NEK2: variants seen among roughly 807,000 people sequenced by gnomAD.
NEK2 encodes NIMA related kinase 2, also known as serine/threonine-protein kinase Nek2.
Under a neutral mutation model 54.1 loss-of-function variants are expected in NEK2, and 28 were observed. That is an observed-to-expected ratio of 0.52 (90% CI 0.38 to 0.71). NEK2 has a LOEUF of 0.71. Ranked by LOEUF, NEK2 falls within the 30% of genes least tolerant of loss-of-function variation. NEK2 has a pLI of 0.00. For missense variants in NEK2, 407 were observed against 531.5 expected, an observed-to-expected ratio of 0.77 and a Z score of 2.30; for synonymous variants, 176 against 193.1, an observed-to-expected ratio of 0.91 and a Z score of 0.73.
At chr1:211,660,198 C>A (rs1424306656), downstream of NEK2, 1 of 301,968 alleles carries the variant, frequency 3.3e-6, no homozygotes, top group Non-Finnish European at 6.7e-6. Flanking sequence ...GTCACTTTTT[C>A]CGCTTGTAGA....
chr1:211,665,614 T>C (rs1185739776), intron 7 of NEK2, among the ~76,000 whole-genome samples: 1 of 152,210 alleles, frequency 6.6e-6, no homozygotes. Context: ...TATTTTGTCT[T>C]TATGGATGAC....
At chr1:211,662,758 G>A, downstream of NEK2, 1 of 982,364 alleles carries the variant, frequency 1.0e-6, no homozygotes, top group Non-Finnish European at 1.2e-6. The surrounding 1 kb of genome is among the most constrained non-coding windows in gnomAD (Gnocchi z 4.2). Context: ...ACCAACAAAT[G>A]CAAGACACAT....
downstream of NEK2, among the ~76,000 whole-genome samples, chr1:211,659,061 A>G (rs1367451652): frequency 6.6e-6 from 1 of 152,202 alleles, no homozygotes; most frequent in African/African-American, 2.4e-5. Flanking sequence ...TGCTGTGACA[A>G]TGTACTTTCA....
chr1:211,659,946 C>T (rs1399184537), downstream of NEK2, among the ~76,000 whole-genome samples: 4 of 151,784 alleles, frequency 2.6e-5, no homozygotes, highest in South Asian at 2.1e-4. Flanking sequence ...CTCAGCCTCC[C>T]AAGTAGCTGG....
Position 211,675,594 on chromosome 1 carries a change from C to T in NEK2, c.-115G>A, listed in dbSNP as rs1655560602. On this transcript the variant is annotated 5_prime_UTR_variant, in exon 1 of 8. Transcript: ENST00000366999. ...TGGAGAAGCCCCCGAGCAGCACTGA[C>T]CCGCCACCCCTGCCTTGGGCCCCGT... 1.1e-5 allele frequency: 8 copies of T among 760,292 alleles called. No individual in the cohort carries two copies. In the South Asian group the frequency reaches 1.2e-4, roughly 11 times the overall value. The allele number at this position is 760,292 out of a possible 1,614,324, so 47.1% of individuals were successfully genotyped here. A position where few individuals can be genotyped will look rare whatever the true frequency, so the allele number is the denominator to read the frequency against.
chr1:211,667,246 T>C lies in NEK2; in HGVS notation c.986-15A>G, dbSNP rs1345305879. The C allele has an allele frequency of 6.4e-7, 1 of 1,560,110 alleles. No individual in the cohort carries two copies. Among genetic ancestry groups the C allele is most frequent in the Non-Finnish European group, 8.6e-7 (1 of 1,156,440 alleles). On this transcript the variant is annotated splice_polypyrimidine_tract_variant and intron_variant, in intron 6 of 7. Transcript: ENST00000366999. ...CTGTTCTTTCTCTTTAAAAAGAGAATGGACAAAGAAAAAAAAATTAACAAC... is the reference window on the plus strand; with the variant it reads ...CTGTTCTTTCTCTTTAAAAAGAGAACGGACAAAGAAAAAAAAATTAACAAC...
downstream of NEK2, chr1:211,660,464 T>C: frequency 1.5e-6 from 1 of 685,746 alleles, no homozygotes; most frequent in Non-Finnish European, 2.8e-6. Flanking sequence ...CTGCATTTGT[T>C]GTCCTAGATG....
At chr1:211,664,515 CAG>C (rs755359992) in intron 7 of NEK2, among the ~76,000 whole-genome samples, 18 of 152,076 alleles carry the variant, frequency 1.2e-4, no homozygotes, top group Non-Finnish European at 2.2e-4. Context: ...GCTCTGGAAA[CAG>C]GGACATGCTG....
intron 7 of NEK2, among the ~76,000 whole-genome samples, chr1:211,664,440 C>A (rs1483551580): frequency 1.3e-5 from 2 of 152,054 alleles, no homozygotes; most frequent in African/African-American, 4.8e-5. Flanking sequence ...GGAGATAAAC[C>A]AAACACAAAC....
At position 211,669,161 on chromosome 1, in the gene NEK2, A is replaced by G. The variant is rs775595439; in HGVS notation, c.937T>C (p.Leu313=). The change falls in exon 6 of 8, where the codon TTA becomes CTA. Residue 313 remains leucine (L), a synonymous_variant. Coordinates refer to ENST00000366999, the MANE Select transcript of NEK2 (RefSeq NM_002497.4). ...TTGAGAGCTCGCTCTCGCTCCTGTA[A>G]CTGAATTTCCTTCAGTTTCAGCTCA... ...LSELKLKEIQ[L]QERERALKAR... is the part of the protein sequence containing the mutation. 6.2e-7 allele frequency: 1 copy of G among 1,613,768 alleles called. No homozygotes were observed. The highest frequency in any genetic ancestry group is 1.3e-5 in the African/African-American group (1 of 74,904).
In NEK2 at chr1:211,663,700, C is replaced by T. The variant is rs574384013; in HGVS notation, c.1112-48G>A. 86 of 1,543,698 alleles carry T rather than the reference C, an allele frequency of 5.6e-5. No homozygotes were observed. The East Asian group carries it at 1.3e-3, about 24-fold the overall frequency. ...GGCTCTGAGTTACTTGAACAGAGTT[C>T]AACTCCTTCATACTTATACTTATCA... On this transcript the variant is annotated intron_variant, in intron 7 of 7. Transcript: ENST00000366999.
rs182914853 is a variant in NEK2, at chr1:211,670,645, C to T, written c.639-238G>A. On this transcript the variant is annotated intron_variant, in intron 4 of 7. Coordinates refer to ENST00000366999, the MANE Select transcript of NEK2 (RefSeq NM_002497.4). ...TGCATTATAGGTATTTTGTAGCCTC[C>T]CTGCCCTCTACCCTCTAGATGCCAG... is the stretch of plus-strand genomic sequence containing the variant. Among the ~76,000 whole-genome samples, 344 of 152,166 alleles carry T rather than the reference C, an allele frequency of 2.3e-3. 1 individual carries two copies. Among genetic ancestry groups the T allele is most frequent in the African/African-American group, 7.9e-3 (327 of 41,500 alleles).
chr1:211,672,752 C>T (rs1360960185), intron 3 of NEK2, among the ~76,000 whole-genome samples: 1 of 151,834 alleles, frequency 6.6e-6, no homozygotes, highest in Non-Finnish European at 1.5e-5. Flanking sequence ...ATAACTAGGA[C>T]CTACACATTG....
In NEK2 at chr1:211,667,114, C is replaced by T; in HGVS notation, c.1103G>A (p.Ser368Asn). The T allele has an allele frequency of 6.2e-7, 1 of 1,613,752 alleles. No individual in the cohort carries two copies. The highest frequency in any genetic ancestry group is 8.5e-7 in the Non-Finnish European group (1 of 1,179,928). The change falls in exon 7 of 8, where the codon AGT becomes AAT. Residue 368 changes from serine (S) to asparagine (N), a missense_variant. Transcript: ENST00000366999. ...LKERKFLSLA[S>N]NPELLNLPSS... ...CAAGTTGATTCTCATACCTGGATTA[C>T]TTGCCAGAGACAGGAACTTCCGTTC...
Position 211,663,494 on chromosome 1 carries a change from C to T in NEK2, c.1270G>A (p.Ala424Thr), listed in dbSNP as rs1484616327. The change falls in exon 8 of 8, where the codon GCT (alanine) becomes ACT (threonine). Residue 424 changes from alanine to threonine, a missense_variant. Physicochemically the swap from Ala to Thr is moderately conservative, Grantham distance 58. Coordinates refer to ENST00000366999, the MANE Select transcript of NEK2 (RefSeq NM_002497.4). ...KKRLHAAQLR[A>T]QALSDIEKNY... ...TTCTCAATATCTGACAGGGCTTGAG[C>T]CCGCAGCTGGGCAGCGTGAAGCCTT... 1 of 1,613,930 alleles carries T rather than the reference C, an allele frequency of 6.2e-7. No individual in the cohort carries two copies. Among genetic ancestry groups the T allele is most frequent in the East Asian group, 2.2e-5 (1 of 44,884 alleles).
chr1:211,663,628 A>G lies in NEK2; in HGVS notation c.1136T>C (p.Val379Ala). The change falls in exon 8 of 8, where the codon GTA becomes GCA. Residue 379 changes from valine to alanine, a missense_variant. Val to Ala is a moderately conservative substitution (Grantham distance 64). Transcript: ENST00000366999. Reference protein sequence around the residue: ...NPELLNLPSSVIKKKVHFSGE... With the variant: ...NPELLNLPSSAIKKKVHFSGE... ...ACTGAAATGAACTTTCTTCTTAATT[A>G]CTGAGGATGGAAGATTAAGAAGTTC... 1 of 1,613,620 alleles carries G rather than the reference A, an allele frequency of 6.2e-7. No homozygotes were observed. Among genetic ancestry groups the G allele is most frequent in the Non-Finnish European group, 8.5e-7 (1 of 1,179,732 alleles).
chr1:211,659,499 C>T (rs1045857456), downstream of NEK2, among the ~76,000 whole-genome samples: 11 of 152,082 alleles, frequency 7.2e-5, no homozygotes, highest in African/African-American at 2.7e-4. Context: ...CTAAATTTCC[C>T]TATTTTCTGT....
intron 1 of NEK2, 70 bp downstream of exon 1, chr1:211,675,314 G>T: frequency 7.1e-7 from 1 of 1,404,682 alleles, no homozygotes; most frequent in Non-Finnish European, 1.0e-6. Context: ...TCCCTTCGGT[G>T]GCGCAGGGCG....
At chr1:211,669,510 C>T in intron 5 of NEK2, 178 bp from the exon 6 acceptor site, 1 of 611,864 alleles carries the variant, frequency 1.6e-6, no homozygotes. Flanking sequence ...TCATGAGGTT[C>T]TGGGTCCACA....
Sources: gnomAD v4.1 joint callset for allele counts (sites outside exome capture counted in the v4.1 genomes callset) on GRCh38, gnomAD v4.1.1 for gene constraint, Gnocchi (gnomAD v3.1) non-coding constraint, MANE v1.5 for transcripts, NCBI Gene and HGNC (gene_info 2026-07-23, HGNC 2026-07-21) for gene names.